UIMC1: variants seen among roughly 807,000 people sequenced by gnomAD.
UIMC1 encodes the protein ubiquitin interaction motif containing 1.
In UIMC1, 42 loss-of-function variants were observed where a neutral mutation model predicts 84.9. The ratio of observed to expected loss-of-function variants is 0.49; its 90% confidence interval spans 0.39 to 0.64. UIMC1 has a LOEUF of 0.64. UIMC1 is among the 30% of genes least tolerant of loss of function. The pLI is 0.00. For synonymous variants in UIMC1, 281 were observed against 293.0 expected (o/e 0.96, Z 0.42); for missense variants, 825 against 847.6 (o/e 0.97, Z 0.33).
intron 10 of UIMC1, among the ~76,000 whole-genome samples, chr5:176,939,530 C>T (rs1429973525): frequency 2.0e-5 from 3 of 151,944 alleles, no homozygotes; most frequent in Admixed American, 2.0e-4. Context: ...ACACAAATAC[C>T]ATTGTGTTAC....
chr5:176,967,903 T>A (rs60773166), intron 6 of UIMC1, among the ~76,000 whole-genome samples: 1,787 of 134,464 alleles, frequency 0.013, 45 homozygotes, highest in African/African-American at 0.047. Flanking sequence ...ACCTTGTCTT[T>A]AAAAAAAAAA....
At position 176,951,485 on chromosome 5, in the gene UIMC1, CCATT is replaced by C. The variant is rs1561809458; in HGVS notation, c.1428_1431del (p.Ile476MetfsTer16). On this transcript the variant is annotated frameshift_variant, in exon 9 of 15. Coordinates refer to ENST00000511320, the MANE Select transcript of UIMC1 (RefSeq NM_001199298.2). LOFTEE classifies it high-confidence loss of function. ...AGGAAAATATTCACCTCCTTATCTG[CCATT>C]ATTATTCTGACTCCATCCAAGATAT... The C allele has an allele frequency of 6.5e-7, 1 of 1,538,864 alleles. No individual in the cohort carries two copies.
intron 1 of UIMC1, among the ~76,000 whole-genome samples, chr5:176,984,784 A>G (rs966023280): frequency 2.6e-5 from 4 of 152,180 alleles, no homozygotes; most frequent in African/African-American, 9.7e-5. Flanking sequence ...GTTAATCTAT[A>G]ACCTTACCCC....
intron 11 of UIMC1, 22 bp from the exon 12 acceptor site, chr5:176,908,716 A>G: frequency 6.2e-7 from 1 of 1,604,946 alleles, no homozygotes; most frequent in Non-Finnish European, 8.5e-7. Flanking sequence ...GAAAAAAGGA[A>G]GAAAACACAG....
chr5:177,005,627 T>A (rs1775142677), intron 1 of UIMC1, among the ~76,000 whole-genome samples: 1 of 152,028 alleles, frequency 6.6e-6, no homozygotes, highest in South Asian at 2.1e-4. Flanking sequence ...AAACAGCGGA[T>A]AAGCTGGTAA....
At chr5:176,969,881 A>G in intron 4 of UIMC1, 175 bp from the exon 5 acceptor site, 1 of 610,450 alleles carries the variant, frequency 1.6e-6, no homozygotes, top group Non-Finnish European at 2.9e-6. Flanking sequence ...AAAGTGTTGT[A>G]CTAGATCACT....
intron 12 of UIMC1, 154 bp from the exon 13 acceptor site, chr5:176,907,331 CA>C: frequency 1.5e-6 from 1 of 673,640 alleles, no homozygotes; most frequent in Admixed American, 2.9e-5. Context: ...GAGGGTTTCA[CA>C]AGTGAAAAAG....
chr5:176,984,905 A>G (rs1049984502), intron 1 of UIMC1, among the ~76,000 whole-genome samples: 6 of 152,158 alleles, frequency 3.9e-5, no homozygotes, highest in African/African-American at 1.4e-4. Flanking sequence ...ATGCTTGTTA[A>G]GAGTCATCAC....
intron 1 of UIMC1, among the ~76,000 whole-genome samples, chr5:177,021,506 C>A (rs1209201366): frequency 6.6e-6 from 1 of 152,072 alleles, no homozygotes; most frequent in Non-Finnish European, 1.5e-5. Flanking sequence ...GGAGACTGAG[C>A]CATGAAGATA....
In UIMC1 at chr5:176,905,477, C is replaced by G; in HGVS notation, c.1965G>C (p.Gly655=). The G allele has an allele frequency of 1.2e-6, 2 of 1,613,962 alleles. No homozygotes were observed. The highest frequency in any genetic ancestry group is 1.7e-6 in the Non-Finnish European group (2 of 1,179,962). The change falls in exon 15 of 15, where the codon GGG becomes GGC. Residue 655 remains glycine, a synonymous_variant. Transcript: ENST00000511320. ...CTCTGCTGCAGCCTGCCTCTTCCATCCCTGGTGAAGGCACCCTAGAGAGAA... is the reference window on the plus strand; with the variant it reads ...CTCTGCTGCAGCCTGCCTCTTCCATGCCTGGTGAAGGCACCCTAGAGAGAA... The part of the protein sequence containing the change: ...ETGAFRVPSP[G]MEEAGCSREM...
At chr5:176,939,991 G>A (rs1005051364) in intron 10 of UIMC1, among the ~76,000 whole-genome samples, 1 of 152,220 alleles carries the variant, frequency 6.6e-6, no homozygotes, top group Non-Finnish European at 1.5e-5. Context: ...AGCATTAGAC[G>A]GGGTCACTGA....
At chr5:176,910,919 GCCTCTA>G (rs1760060306) in intron 11 of UIMC1, among the ~76,000 whole-genome samples, 1 of 151,920 alleles carries the variant, frequency 6.6e-6, no homozygotes, top group African/African-American at 2.4e-5. Flanking sequence ...GAGAAACCCC[GCCTCTA>G]CTAAAAATAC....
chr5:176,984,422 G>A (rs1200559763), intron 1 of UIMC1, among the ~76,000 whole-genome samples: 1 of 148,174 alleles, frequency 6.7e-6, no homozygotes, highest in Non-Finnish European at 1.5e-5. Flanking sequence ...ACCCCGTCTG[G>A]GAAGTGGGGA....
intron 11 of UIMC1, among the ~76,000 whole-genome samples, chr5:176,910,856 C>T (rs6865489): frequency 3.3e-5 from 5 of 151,814 alleles, no homozygotes; most frequent in Non-Finnish European, 7.4e-5. Flanking sequence ...TTTGGGAGGC[C>T]GAGGCAGGCC....
chr5:176,905,556 C>T (rs898821285), intron 14 of UIMC1, 64 bp from the exon 15 acceptor site: 49 of 1,453,004 alleles, frequency 3.4e-5, no homozygotes, highest in Non-Finnish European at 4.5e-5. Context: ...ACATGCTATG[C>T]ACTGTATCAG....
chr5:176,915,458 A>ATT (rs554389479), intron 10 of UIMC1, among the ~76,000 whole-genome samples: 1,988 of 144,456 alleles, frequency 0.014, 47 homozygotes, highest in African/African-American at 0.048. Flanking sequence ...ACAGTAAATA[A>ATT]TTTTTTTTTT....
In UIMC1 at chr5:176,968,405, T is replaced by C. The variant is rs1473764541; in HGVS notation, c.1200+150A>G. ...AAAAAATGGTAGTTTTTTTCTTCTTTATACTCTCCTGTACTTTCCTAATTT... is the reference window on the plus strand; with the variant it reads ...AAAAAATGGTAGTTTTTTTCTTCTTCATACTCTCCTGTACTTTCCTAATTT... On this transcript the variant is annotated intron_variant, in intron 6 of 14. Transcript: ENST00000511320. 2.6e-6 allele frequency: 3 copies of C among 1,143,458 alleles called. No homozygotes were observed. The African/African-American group carries it at 4.7e-5, about 18-fold the overall frequency. The allele number at this position is 1,143,458 out of a possible 1,614,324, so 70.8% of individuals were successfully genotyped here.
intron 2 of UIMC1, among the ~76,000 whole-genome samples, chr5:176,981,097 A>G (rs1246355536): frequency 6.6e-6 from 1 of 151,916 alleles, no homozygotes; most frequent in African/African-American, 2.4e-5. Flanking sequence ...TATGTAGATA[A>G]AAGTCCTAAT....
chr5:176,913,971 T>C (rs1013248972), intron 10 of UIMC1, among the ~76,000 whole-genome samples: 6 of 151,784 alleles, frequency 4.0e-5, no homozygotes, highest in Non-Finnish European at 8.8e-5. Flanking sequence ...AGCTAGATCG[T>C]CTCAAAAAAT....
Sources: allele counts gnomAD v4.1 joint callset (sites outside exome capture counted in the v4.1 genomes callset), GRCh38; gene constraint gnomAD v4.1.1; transcripts MANE v1.5; gene names NCBI Gene and HGNC (gene_info 2026-07-23, HGNC 2026-07-21).